Variants in KCNH5 observed in about 807,000 individuals in gnomAD.
KCNH5 encodes the protein potassium voltage-gated channel subfamily H member 5.
A neutral mutation model predicts 96.1 loss-of-function variants in KCNH5; 46 were observed. The observed-to-expected ratio is 0.48, with a 90% CI of 0.38 to 0.61. KCNH5 has a LOEUF of 0.61. Ranked by LOEUF, KCNH5 falls within the 20% of genes least tolerant of loss-of-function variation. The pLI, the probability that KCNH5 is intolerant of heterozygous loss-of-function variation, is 0.00. For synonymous variants in KCNH5, 439 were observed against 449.8 expected, an observed-to-expected ratio of 0.98 and a Z score of 0.30; for missense variants, 907 against 1,225.8, an observed-to-expected ratio of 0.74 and a Z score of 3.88.
At chr14:62,936,737 G>T (rs954334445) in intron 7 of KCNH5, among the ~76,000 whole-genome samples, 4 of 151,158 alleles carry the variant, frequency 2.6e-5, no homozygotes, top group African/African-American at 9.7e-5. Context: ...TAGCACTTTG[G>T]GCGGCCAAGG....
chr14:62,986,904 G>A (rs548381089), intron 5 of KCNH5, among the ~76,000 whole-genome samples, 168 bp downstream of exon 5: 17 of 152,278 alleles, frequency 1.1e-4, no homozygotes, highest in Non-Finnish European at 1.8e-4. Flanking sequence ...AAAAGTTGGA[G>A]AGAATGAATA....
intron 7 of KCNH5, among the ~76,000 whole-genome samples, chr14:62,915,395 A>G (rs1302545057): frequency 6.6e-6 from 1 of 152,228 alleles, no homozygotes; most frequent in East Asian, 1.9e-4. Context: ...ATACTACAGA[A>G]TACTATAGTA....
intron 9 of KCNH5, among the ~76,000 whole-genome samples, chr14:62,797,526 C>G (rs1886565416): frequency 6.6e-6 from 1 of 152,238 alleles, no homozygotes; most frequent in South Asian, 2.1e-4. Context: ...AACTGTGAAG[C>G]ATTTGACTTC....
chr14:62,817,669 C>A (rs947538041), intron 8 of KCNH5, among the ~76,000 whole-genome samples: 1 of 147,392 alleles, frequency 6.8e-6, no homozygotes. Context: ...GCATGCATTA[C>A]TGCCATGGAA....
intron 10 of KCNH5, among the ~76,000 whole-genome samples, chr14:62,755,552 G>A (rs928778789): frequency 6.6e-6 from 1 of 152,110 alleles, no homozygotes; most frequent in African/African-American, 2.4e-5. Flanking sequence ...AATAGAGGCA[G>A]AAGGAATCCT....
At chr14:62,894,159 T>C (rs1048131448) in intron 7 of KCNH5, among the ~76,000 whole-genome samples, 2 of 152,218 alleles carry the variant, frequency 1.3e-5, no homozygotes, top group Non-Finnish European at 2.9e-5. Flanking sequence ...TTATATGTAC[T>C]GGGAAAACAA....
At chr14:62,965,768 G>C (rs904351300) in intron 6 of KCNH5, among the ~76,000 whole-genome samples, 3 of 152,074 alleles carry the variant, frequency 2.0e-5, no homozygotes, top group African/African-American at 7.2e-5. Flanking sequence ...ATATGTACTG[G>C]CAGGCTTCTG....
At chr14:62,929,863 A>G (rs1889547046) in intron 7 of KCNH5, among the ~76,000 whole-genome samples, 1 of 151,922 alleles carries the variant, frequency 6.6e-6, no homozygotes, top group African/African-American at 2.4e-5. Flanking sequence ...ATGGGTGCTC[A>G]ATGTTTAGCT....
intron 10 of KCNH5, among the ~76,000 whole-genome samples, chr14:62,729,941 G>C (rs1367501149): frequency 6.6e-6 from 1 of 152,100 alleles, no homozygotes; most frequent in Non-Finnish European, 1.5e-5. Flanking sequence ...CCAAACACTT[G>C]CTTTGAATTG....
chr14:62,755,453 A>C (rs913457525), intron 10 of KCNH5, among the ~76,000 whole-genome samples: 13 of 152,196 alleles, frequency 8.5e-5, no homozygotes, highest in Non-Finnish European at 1.8e-4. Flanking sequence ...GTCTCCCAGC[A>C]AAAAACAGCT....
chr14:62,853,466 T>TATATATATATATATATATATC (rs1566682654), intron 7 of KCNH5, among the ~76,000 whole-genome samples: 1 of 125,552 alleles, frequency 8.0e-6, no homozygotes, highest in Non-Finnish European at 1.6e-5. Context: ...CATATATATA[T>TATATATATATATATATATATC]ATATATATAT....
intron 7 of KCNH5, among the ~76,000 whole-genome samples, chr14:62,869,140 T>C (rs1888198181): frequency 6.6e-6 from 1 of 152,196 alleles, no homozygotes; most frequent in African/African-American, 2.4e-5. Context: ...TGAACTAATT[T>C]ACACTCCCAC....
chr14:63,015,608 A>T (rs1003108937), intron 2 of KCNH5, among the ~76,000 whole-genome samples: 10 of 152,014 alleles, frequency 6.6e-5, no homozygotes, highest in African/African-American at 2.2e-4. Context: ...TAATTCACAG[A>T]TATATAAACA....
intron 10 of KCNH5, among the ~76,000 whole-genome samples, chr14:62,736,195 C>T (rs1029606808): frequency 6.6e-5 from 10 of 152,108 alleles, no homozygotes; most frequent in African/African-American, 2.4e-4. Flanking sequence ...GCATCATCTC[C>T]ACCCCCACCT....
At chr14:63,009,447 C>A (rs1216686124) in intron 2 of KCNH5, among the ~76,000 whole-genome samples, 1 of 152,060 alleles carries the variant, frequency 6.6e-6, no homozygotes, top group Non-Finnish European at 1.5e-5. Context: ...AAAAATAATC[C>A]TATATTATTA....
At chr14:62,713,076 G>T (rs1884606417) in intron 10 of KCNH5, among the ~76,000 whole-genome samples, 1 of 152,126 alleles carries the variant, frequency 6.6e-6, no homozygotes, top group African/African-American at 2.4e-5. Context: ...TGTCTGCTTT[G>T]CTAACTGCTA....
intron 6 of KCNH5, among the ~76,000 whole-genome samples, chr14:62,964,742 G>C (rs972851092): frequency 2.0e-5 from 3 of 152,160 alleles, no homozygotes; most frequent in African/African-American, 7.2e-5. Flanking sequence ...TATTCCTTTG[G>C]AATATAATCA....
chr14:62,818,372 A>G (rs1887043791), intron 8 of KCNH5, among the ~76,000 whole-genome samples: 1 of 152,174 alleles, frequency 6.6e-6, no homozygotes, highest in South Asian at 2.1e-4. Context: ...ATACCTCAAT[A>G]AAGCAGAAAA....
intron 8 of KCNH5, among the ~76,000 whole-genome samples, chr14:62,822,516 G>A (rs951745172): frequency 1.3e-5 from 2 of 151,948 alleles, no homozygotes; most frequent in Non-Finnish European, 2.9e-5. Context: ...TTTTAACAGA[G>A]GAAAGATAGT....
Sources: allele counts gnomAD v4.1 joint callset (sites outside exome capture counted in the v4.1 genomes callset), GRCh38; gene constraint gnomAD v4.1.1; transcripts MANE v1.5; gene names NCBI Gene and HGNC (gene_info 2026-07-23, HGNC 2026-07-21).